The following NLGN4Y variants were observed in gnomAD, a reference collection of about 807,000 sequenced individuals.
NLGN4Y encodes the protein neuroligin 4 Y-linked, also known as neuroligin-4, Y-linked.
Under a neutral mutation model 8.4 loss-of-function variants are expected in NLGN4Y, and 4 were observed. That is an observed-to-expected ratio of 0.48 (90% confidence interval 0.23 to 1.09). The LOEUF (loss-of-function observed/expected upper bound fraction) is 1.09. NLGN4Y is among the 50% of genes least tolerant of loss of function. The pLI is 0.19. For synonymous variants in NLGN4Y, 35 were observed against 75.6 expected (o/e 0.46, Z 2.78); for missense variants, 90 against 192.3 (o/e 0.47, Z 3.15).
At chrY:14,793,670 T>C (rs2042995737) in intron 4 of NLGN4Y, 1 of 32,436 alleles carries the variant, frequency 3.1e-5, no homozygotes, top group Non-Finnish European at 7.5e-5. Flanking sequence ...TTCATAGTAT[T>C]AGAAAATATA....
chrY:14,530,039 C>T, intron 1 of NLGN4Y, among the ~76,000 whole-genome samples: 2 of 26,604 alleles, frequency 7.5e-5, no homozygotes, highest in African/African-American at 3.0e-4. Flanking sequence ...TATCATTTTT[C>T]ATTAGTTACT....
chrY:14,560,755 A>C, intron 1 of NLGN4Y, among the ~76,000 whole-genome samples: 1 of 33,663 alleles, frequency 3.0e-5, no homozygotes, highest in Non-Finnish European at 7.4e-5. Context: ...TTGTCCTGTT[A>C]TCCCTTGACT....
chrY:14,657,590 G>A, intron 2 of NLGN4Y, among the ~76,000 whole-genome samples: 1 of 33,088 alleles, frequency 3.0e-5, no homozygotes, highest in Admixed American at 2.8e-4. Context: ...TCCCATGGAT[G>A]AGGTGATGTT....
At chrY:14,546,280 G>T in intron 1 of NLGN4Y, among the ~76,000 whole-genome samples, 1 of 32,839 alleles carries the variant, frequency 3.0e-5, no homozygotes, top group Admixed American at 2.8e-4. Flanking sequence ...GGTTCCATAT[G>T]AACTTTAAAG....
intron 2 of NLGN4Y, among the ~76,000 whole-genome samples, chrY:14,634,238 G>T: frequency 5.9e-5 from 2 of 33,724 alleles, no homozygotes; most frequent in African/African-American, 2.3e-4. Flanking sequence ...AGACAGTGTA[G>T]TCTCCACCTT....
chrY:14,733,457 C>T, intron 4 of NLGN4Y: 1 of 340,714 alleles, frequency 2.9e-6, no homozygotes, highest in South Asian at 3.6e-5. Flanking sequence ...TTTAGGTATG[C>T]AAGAGGCACG....
chrY:14,627,615 C>G, intron 2 of NLGN4Y, among the ~76,000 whole-genome samples: 1 of 34,822 alleles, frequency 2.9e-5, no homozygotes, highest in African/African-American at 1.1e-4. Flanking sequence ...CCGGGCCCAC[C>G]CAGAACTCGC....
At chrY:14,649,816 G>A in intron 2 of NLGN4Y, among the ~76,000 whole-genome samples, 1 of 33,294 alleles carries the variant, frequency 3.0e-5, no homozygotes, top group Non-Finnish European at 7.4e-5. Flanking sequence ...CACCCCATTA[G>A]CCACGGATTC....
At chrY:14,550,567 G>T in intron 1 of NLGN4Y, among the ~76,000 whole-genome samples, 1 of 33,946 alleles carries the variant, frequency 2.9e-5, no homozygotes, top group Non-Finnish European at 7.3e-5. Flanking sequence ...TGTAAGGCAG[G>T]CCTATGTTGA....
chrY:14,523,375 A>G (rs944094479), upstream of NLGN4Y: 2 of 49,350 alleles, frequency 4.1e-5, no homozygotes, highest in African/African-American at 2.2e-4. Flanking sequence ...TTAAAGGAAG[A>G]CTGTGGCGGG....
chrY:14,642,940 G>A, intron 2 of NLGN4Y, among the ~76,000 whole-genome samples: 2 of 33,605 alleles, frequency 6.0e-5, no homozygotes, highest in African/African-American at 1.2e-4. Flanking sequence ...ATTGCCGTTA[G>A]GAACCTGGCA....
intron 5 of NLGN4Y, among the ~76,000 whole-genome samples, chrY:14,825,089 T>G: frequency 3.0e-5 from 1 of 33,321 alleles, no homozygotes; most frequent in Non-Finnish European, 7.4e-5. Context: ...AAGACACTTC[T>G]CTAATTCACA....
chrY:14,797,378 G>T (rs2150582201), intron 4 of NLGN4Y, among the ~76,000 whole-genome samples: 1 of 29,050 alleles, frequency 3.4e-5, no homozygotes, highest in Admixed American at 3.2e-4. Flanking sequence ...CTCACTGCAA[G>T]CTCTATCTCC....
At chrY:14,576,187 G>T (rs2080297360) in intron 1 of NLGN4Y, among the ~76,000 whole-genome samples, 1 of 33,980 alleles carries the variant, frequency 2.9e-5, no homozygotes, top group Non-Finnish European at 7.3e-5. Flanking sequence ...TCCCCCAGGG[G>T]TGGAGTCTGC....
chrY:14,788,188 G>T (rs2042974508), intron 4 of NLGN4Y, among the ~76,000 whole-genome samples: 1 of 33,728 alleles, frequency 3.0e-5, no homozygotes, highest in Non-Finnish European at 7.3e-5. Flanking sequence ...TGCATTTCTT[G>T]TTGTTTCTGT....
intron 1 of NLGN4Y, among the ~76,000 whole-genome samples, chrY:14,551,876 A>G: frequency 3.0e-5 from 1 of 33,650 alleles, no homozygotes; most frequent in Non-Finnish European, 7.4e-5. Context: ...AAAGAACTGG[A>G]AAAACAAGAG....
intron 2 of NLGN4Y, among the ~76,000 whole-genome samples, chrY:14,705,186 C>T (rs866519178): frequency 9.2e-5 from 3 of 32,496 alleles, no homozygotes; most frequent in Non-Finnish European, 2.3e-4. Context: ...ATATCCACAG[C>T]GATAAACTAT....
intron 1 of NLGN4Y, among the ~76,000 whole-genome samples, chrY:14,593,771 T>C: frequency 3.0e-5 from 1 of 33,437 alleles, no homozygotes; most frequent in Non-Finnish European, 7.4e-5. Flanking sequence ...CCCACCTCTT[T>C]GTGTTTTTTC....
At chrY:14,795,423 A>C in intron 4 of NLGN4Y, among the ~76,000 whole-genome samples, 4 of 32,897 alleles carry the variant, frequency 1.2e-4, no homozygotes, top group Non-Finnish European at 3.0e-4. Context: ...TATACTCTTT[A>C]ATATCATTTT....
Sources: gnomAD v4.1 joint callset for allele counts (sites outside exome capture counted in the v4.1 genomes callset) on GRCh38, gnomAD v4.1.1 for gene constraint, MANE v1.5 for transcripts, NCBI Gene and HGNC (gene_info 2026-07-23, HGNC 2026-07-21) for gene names.